The following ZNF425 variants were observed in gnomAD, a reference collection of about 807,000 sequenced individuals.
The protein encoded by ZNF425 is zinc finger protein 425.
A neutral mutation model predicts 17.0 loss-of-function variants in ZNF425; 21 were observed. The observed-to-expected ratio is 1.23, with a 90% CI of 0.88 to 1.78. ZNF425 has a LOEUF of 1.78. ZNF425 is among the 40% of genes most tolerant of loss of function. The pLI is 0.00. For missense variants in ZNF425, 868 were observed against 967.3 expected, an observed-to-expected ratio of 0.90 and a Z score of 1.36; for synonymous variants, 433 against 384.1, an observed-to-expected ratio of 1.13 and a Z score of -1.49.
chr7:149,103,872 G>A lies in ZNF425; in HGVS notation c.1999C>T (p.Gln667Ter). Residue 667 changes from glutamine (Q) to a stop codon, truncating the protein, a stop_gained, in exon 4 of 4, where the codon CAG becomes TAG. Transcript: ENST00000378061. LOFTEE classifies it low-confidence loss of function (END_TRUNC). ...IRVHSGEKPF[Q>*]CPECDKSYCI... ...TAGCTCTTGTCACACTCCGGACACT[G>A]GAAGGGCTTCTCCCCGCTGTGGACT... 1.9e-6 allele frequency: 3 copies of A among 1,613,954 alleles called. No individual in the cohort carries two copies. The highest frequency in any genetic ancestry group is 2.5e-6 in the Non-Finnish European group (3 of 1,180,002).
chr7:149,104,085 G>A lies in ZNF425; in HGVS notation c.1786C>T (p.Gln596Ter). The change falls in exon 4 of 4, where the codon CAG becomes TAG. Residue 596 changes from glutamine to a stop codon, truncating the protein, a stop_gained. Coordinates refer to ENST00000378061, the MANE Select transcript of ZNF425 (RefSeq NM_001001661.3). LOFTEE classifies it low-confidence loss of function (END_TRUNC). This position sits in a 1 kb window ranked among gnomAD's most constrained non-coding sequence, Gnocchi z 4.3. ...ECDKTYTHQS[Q>*]LTEHLRLHSG... Reference sequence around the variant, plus strand: ...TGCAGCCTCAGGTGCTCGGTGAGCTGAGACTGATGCGTGTAGGTCTTGTCA... The same window carrying A: ...TGCAGCCTCAGGTGCTCGGTGAGCTAAGACTGATGCGTGTAGGTCTTGTCA... 1 of 1,612,848 alleles carries A rather than the reference G, an allele frequency of 6.2e-7. No individual in the cohort carries two copies. Among genetic ancestry groups the A allele is most frequent in the Non-Finnish European group, 8.5e-7 (1 of 1,179,966 alleles).
intron 3 of ZNF425, among the ~76,000 whole-genome samples, chr7:149,109,285 G>C (rs1483995796): frequency 6.6e-6 from 1 of 151,966 alleles, no homozygotes; most frequent in Non-Finnish European, 1.5e-5. Flanking sequence ...CACCATGTTA[G>C]CCAGGCTGGT....
chr7:149,103,654 G>A lies in ZNF425; in HGVS notation c.2217C>T (p.Thr739=). The change falls in exon 4 of 4, where the codon ACC becomes ACT. Residue 739 remains threonine, a synonymous_variant. Coordinates refer to ENST00000378061, the MANE Select transcript of ZNF425 (RefSeq NM_001001661.3). ...TCTCTTTGGCATGCACTGCAATGTG[G>A]GTCTTGAGCGCCCCCACGTACGTGA... ...RSFTYVGALK[T]HIAVHAKEKP... is the part of the protein sequence containing the mutation. 3.1e-6 allele frequency: 5 copies of A among 1,613,148 alleles called. No individual in the cohort carries two copies. The Middle Eastern group carries it at 5.0e-4, about 160-fold the overall frequency.
chr7:149,103,707 A>G lies in ZNF425; in HGVS notation c.2164T>C (p.Phe722Leu). Reference protein sequence around the residue: ...HLCLHSGERPFSCDECGRSFT... With the variant: ...HLCLHSGERPLSCDECGRSFT... ...CTCCTTCCACACTCATCACAAGAAA[A>G]AGGCCTCTCCCCACTGTGAAGGCAC... Residue 722 changes from phenylalanine (F) to leucine (L), a missense_variant, in exon 4 of 4, where the codon TTT (phenylalanine) becomes CTT (leucine). Coordinates refer to ENST00000378061, the MANE Select transcript of ZNF425 (RefSeq NM_001001661.3). The G allele has an allele frequency of 6.2e-7, 1 of 1,614,144 alleles. No individual in the cohort carries two copies. The highest frequency in any genetic ancestry group is 8.5e-7 in the Non-Finnish European group (1 of 1,180,034).
chr7:149,103,678 G>A lies in ZNF425; in HGVS notation c.2193C>T (p.Phe731=). Residue 731 remains phenylalanine, a synonymous_variant, in exon 4 of 4, where the codon TTC becomes TTT. Coordinates refer to ENST00000378061, the MANE Select transcript of ZNF425 (RefSeq NM_001001661.3). The stretch of plus-strand genomic sequence containing the variant: ...GGGTCTTGAGCGCCCCCACGTACGT[G>A]AAGCTCCTTCCACACTCATCACAAG... ...PFSCDECGRS[F]TYVGALKTHI... is the part of the protein sequence containing the mutation. 6.2e-7 allele frequency: 1 copy of A among 1,614,098 alleles called. No individual in the cohort carries two copies. The highest frequency in any genetic ancestry group is 8.5e-7 in the Non-Finnish European group (1 of 1,180,018).
chr7:149,126,118 C>T, intron 1 of ZNF425, 78 bp downstream of exon 1: 4 of 1,605,840 alleles, frequency 2.5e-6, no homozygotes, highest in Non-Finnish European at 1.7e-6. Flanking sequence ...GCCCCACTCC[C>T]TGGACGCGGA....
Position 149,104,467 on chromosome 7 carries a change from C to A in ZNF425, c.1404G>T (p.Lys468Asn). 6.3e-7 allele frequency: 1 copy of A among 1,598,990 alleles called. No homozygotes were observed. Among genetic ancestry groups the A allele is most frequent in the South Asian group, 1.1e-5 (1 of 88,564 alleles). ...TGCCGCACTCGGCGCAGGGGAAGGGCTTTTGCTCGCTGTGCAGGCGCTGGT... is the reference window on the plus strand; with the variant it reads ...TGCCGCACTCGGCGCAGGGGAAGGGATTTTGCTCGCTGTGCAGGCGCTGGT... ...RAHQRLHSEQ[K>N]PFPCAECGKR... The change falls in exon 4 of 4, where the codon AAG becomes AAT. Residue 468 changes from lysine (K) to asparagine (N), a missense_variant. This residue lies in a region of ZNF425 where 437 missense variants were observed against 444.2 expected (regional missense o/e 0.98). Transcript: ENST00000378061. This position sits in a 1 kb window ranked among gnomAD's most constrained non-coding sequence, Gnocchi z 4.3.
At chr7:149,126,152 C>G (rs1218841873) in intron 1 of ZNF425, 44 bp downstream of exon 1, 1 of 1,612,810 alleles carries the variant, frequency 6.2e-7, no homozygotes, top group African/African-American at 1.3e-5. Flanking sequence ...GCGACAGGGA[C>G]CCGAGTTTCG....
chr7:149,116,827 T>C (rs1341562206), intron 2 of ZNF425, among the ~76,000 whole-genome samples: 2 of 152,160 alleles, frequency 1.3e-5, no homozygotes, highest in East Asian at 3.9e-4. Context: ...AGTTTTTCTC[T>C]GCTTAAAATT....
chr7:149,103,436 T>TCAAAC lies in ZNF425; in HGVS notation c.*171_*175dup. 1.3e-6 allele frequency: 1 copy of TCAAAC among 771,428 alleles called. No individual in the cohort carries two copies. Among genetic ancestry groups the TCAAAC allele is most frequent in the Non-Finnish European group, 2.0e-6 (1 of 499,970 alleles). The allele number at this position is 771,428 out of a possible 1,614,324, so 47.8% of individuals were successfully genotyped here. A position where few individuals can be genotyped will look rare whatever the true frequency, so the allele number is the denominator to read the frequency against. ...TCTTGCAATGTTGCCTAGGCTGGTC[T>TCAAAC]CAAACTTCTGGGCTCAAGCGATCCT... On this transcript the variant is annotated 3_prime_UTR_variant, in exon 4 of 4. Transcript: ENST00000378061.
At chr7:149,115,255 C>A (rs976937842) in intron 2 of ZNF425, among the ~76,000 whole-genome samples, 2 of 151,394 alleles carry the variant, frequency 1.3e-5, no homozygotes, top group African/African-American at 2.4e-5. Context: ...TGGTGAATAT[C>A]GAGGTACCAA....
rs139884689 is a variant in ZNF425, at chr7:149,112,224, C to T, written c.217G>A (p.Gly73Arg). The T allele has an allele frequency of 8.7e-6, 14 of 1,613,986 alleles. No individual in the cohort carries two copies. In the African/African-American group the frequency reaches 1.3e-4, roughly 15 times the overall value. The change falls in exon 3 of 4, where the codon GGA (glycine) becomes AGA (arginine). Residue 73 changes from glycine (G) to arginine (R), a missense_variant. Around this residue, in one of 5 missense-constraint regions of ZNF425, gnomAD observed 179 missense variants for 216.3 expected, o/e 0.83. Coordinates refer to ENST00000378061, the MANE Select transcript of ZNF425 (RefSeq NM_001001661.3). ...QGRMLLISEQ[G>R]CLDKTRRTTS... ...GTCCTTCTTGTTTTATCTAAGCATC[C>T]CTGTTCGCTGATTAATAGCATTCTC...
chr7:149,124,114 T>C (rs1024702961), intron 1 of ZNF425, among the ~76,000 whole-genome samples: 7 of 151,438 alleles, frequency 4.6e-5, no homozygotes, highest in Non-Finnish European at 1.0e-4. Context: ...CCCAAAGTGC[T>C]GGGATTACAG....
rs908630949 is a variant in ZNF425, at chr7:149,118,529, T to C, written c.19-181A>G. The C allele has an allele frequency of 1.9e-5, 14 of 722,166 alleles. No homozygotes were observed. In the African/African-American group the frequency reaches 2.0e-4, roughly 10 times the overall value. The allele number at this position is 722,166 out of a possible 1,614,324, so 44.7% of individuals were successfully genotyped here. A position where few individuals can be genotyped will look rare whatever the true frequency, so the allele number is the denominator to read the frequency against. On this transcript the variant is annotated intron_variant, in intron 1 of 3. Coordinates refer to ENST00000378061, the MANE Select transcript of ZNF425 (RefSeq NM_001001661.3). ...ACTGGAGCCAAGTAAAATGAATGAATGGGCCGGGCCCAGTCGCTCACGCCT... is the reference window on the plus strand; with the variant it reads ...ACTGGAGCCAAGTAAAATGAATGAACGGGCCGGGCCCAGTCGCTCACGCCT...
chr7:149,115,389 C>T (rs927244076), intron 2 of ZNF425, among the ~76,000 whole-genome samples: 1 of 151,744 alleles, frequency 6.6e-6, no homozygotes, highest in Admixed American at 6.6e-5. Context: ...TGCGGTGGCT[C>T]ACGCTTGTAA....
chr7:149,121,964 G>A (rs544179363), intron 1 of ZNF425, among the ~76,000 whole-genome samples: 1 of 152,200 alleles, frequency 6.6e-6, no homozygotes, highest in South Asian at 2.1e-4. Context: ...CACCCAGGCT[G>A]GAGTGCAGTG....
chr7:149,118,310 C>T lies in ZNF425; in HGVS notation c.57G>A (p.Ser19=), dbSNP rs560790723. ...TCTCCAGGATCTCCCACTCTTGTTC[C>T]GAAAAATATAAGGCCACATCATCAA... ...VTFDDVALYF[S]EQEWEILEKW... Residue 19 remains serine (S), a synonymous_variant, in exon 2 of 4, where the codon TCG becomes TCA. Coordinates refer to ENST00000378061, the MANE Select transcript of ZNF425 (RefSeq NM_001001661.3). 24 of 1,614,030 alleles carry T rather than the reference C, an allele frequency of 1.5e-5. No homozygotes were observed. Among genetic ancestry groups the T allele is most frequent in the Admixed American group, 3.3e-5 (2 of 59,978 alleles).
chr7:149,120,659 C>T (rs1563148763), intron 1 of ZNF425, among the ~76,000 whole-genome samples: 1 of 152,130 alleles, frequency 6.6e-6, no homozygotes, highest in Admixed American at 6.6e-5. Flanking sequence ...CAGTAACATG[C>T]TATACAAGTT....
At position 149,104,240 on chromosome 7, in the gene ZNF425, T is replaced by C. The variant is rs913575109; in HGVS notation, c.1631A>G (p.His544Arg). The C allele has an allele frequency of 6.2e-7, 1 of 1,613,722 alleles. No homozygotes were observed. Among genetic ancestry groups the C allele is most frequent in the Non-Finnish European group, 8.5e-7 (1 of 1,179,840 alleles). ...SFRRRAHLTE[H>R]TRLHSGEEPF... ...CTCCTCGCCACTGTGAAGCCTCGTG[T>C]GCTCTGTGAGATGCGCGCGTCGGCG... is the stretch of plus-strand genomic sequence containing the variant. Residue 544 changes from histidine (H) to arginine (R), a missense_variant, in exon 4 of 4, where the codon CAC (histidine) becomes CGC (arginine). By Grantham distance (29) the His-to-Arg change is conservative (BLOSUM62 0). Transcript: ENST00000378061. This position sits in a 1 kb window ranked among gnomAD's most constrained non-coding sequence, Gnocchi z 4.3.
Sources: gnomAD v4.1 joint callset for allele counts (sites outside exome capture counted in the v4.1 genomes callset) on GRCh38, gnomAD v4.1.1 for gene constraint, gnomAD v4.1.1 regional missense constraint, Gnocchi (gnomAD v3.1) non-coding constraint, MANE v1.5 for transcripts, NCBI Gene and HGNC (gene_info 2026-07-23, HGNC 2026-07-21) for gene names.